The following RIT2 variants were observed in gnomAD, a reference collection of about 807,000 sequenced individuals.
RIT2 encodes the protein GTP-binding protein Rit2.
Under a neutral mutation model 23.7 loss-of-function variants are expected in RIT2, and 24 were observed. That is an observed-to-expected ratio of 1.01 (90% CI 0.73 to 1.43). The LOEUF is 1.43. Ranked by LOEUF, RIT2 falls within the 40% of genes most tolerant of loss-of-function variation. The pLI is 0.00. For synonymous variants in RIT2, 107 were observed against 91.1 expected (o/e 1.17, Z -0.99); for missense variants, 236 against 266.9 (o/e 0.88, Z 0.81).
intron 1 of RIT2, among the ~76,000 whole-genome samples, chr18:43,072,574 C>A (rs1185835993): frequency 6.6e-6 from 1 of 152,174 alleles, no homozygotes; most frequent in African/African-American, 2.4e-5. Flanking sequence ...AATTAGCAAG[C>A]TAGTCATCAA....
At chr18:42,766,880 C>T (rs1221453701) in intron 4 of RIT2, among the ~76,000 whole-genome samples, 3 of 152,206 alleles carry the variant, frequency 2.0e-5, no homozygotes, top group Admixed American at 6.5e-5. Context: ...GGCTTCAGAG[C>T]GTGGAAGCCC....
chr18:43,011,437 G>A (rs1291249065), intron 2 of RIT2, among the ~76,000 whole-genome samples: 1 of 151,696 alleles, frequency 6.6e-6, no homozygotes, highest in Non-Finnish European at 1.5e-5. Flanking sequence ...TGGAGGGGAA[G>A]CTGTGCGATT....
At chr18:43,082,766 C>T (rs1273042050) in intron 1 of RIT2, among the ~76,000 whole-genome samples, 1 of 151,856 alleles carries the variant, frequency 6.6e-6, no homozygotes, top group Non-Finnish European at 1.5e-5. Flanking sequence ...CAAACCCATA[C>T]CCAATATCAT....
chr18:42,786,260 T>C (rs1035115777), intron 4 of RIT2, among the ~76,000 whole-genome samples: 2 of 152,182 alleles, frequency 1.3e-5, no homozygotes, highest in African/African-American at 4.8e-5. Flanking sequence ...TTAACTTTCC[T>C]GTACACAAGG....
intron 4 of RIT2, among the ~76,000 whole-genome samples, chr18:42,749,875 G>C (rs573368646): frequency 6.6e-6 from 1 of 151,926 alleles, no homozygotes; most frequent in African/African-American, 2.4e-5. Context: ...AATATGTGTA[G>C]ATGTATGCAA....
intron 1 of RIT2, among the ~76,000 whole-genome samples, chr18:43,043,706 C>T (rs1436959591): frequency 1.3e-5 from 2 of 152,054 alleles, no homozygotes; most frequent in African/African-American, 2.4e-5. Context: ...AAGAGAATTG[C>T]TTCAATCAGG....
At chr18:43,085,281 T>C (rs1318373959) in intron 1 of RIT2, among the ~76,000 whole-genome samples, 5 of 152,124 alleles carry the variant, frequency 3.3e-5, no homozygotes, top group Admixed American at 2.0e-4. Context: ...TATGTATACA[T>C]TGTGAAAAGA....
intron 4 of RIT2, among the ~76,000 whole-genome samples, chr18:42,808,436 G>A (rs1055614686): frequency 6.6e-6 from 1 of 152,108 alleles, no homozygotes; most frequent in Non-Finnish European, 1.5e-5. Context: ...TATTGTTAAA[G>A]GGAAGATCCA....
chr18:42,840,524 C>T (rs1009242036), intron 4 of RIT2, among the ~76,000 whole-genome samples: 5 of 151,610 alleles, frequency 3.3e-5, no homozygotes, highest in South Asian at 2.1e-4. Context: ...TTTTCAAAGA[C>T]GGAGTTTTGC....
intron 3 of RIT2, among the ~76,000 whole-genome samples, chr18:42,942,447 G>A (rs1429305665): frequency 6.6e-5 from 10 of 152,084 alleles, no homozygotes; most frequent in African/African-American, 2.4e-4. Flanking sequence ...GCTACGTACT[G>A]TCTTCCTCTT....
intron 4 of RIT2, among the ~76,000 whole-genome samples, chr18:42,865,185 G>A (rs1598689715): frequency 1.3e-5 from 2 of 152,158 alleles, no homozygotes; most frequent in Non-Finnish European, 1.5e-5. Flanking sequence ...CCAATCCAAT[G>A]CAAGCTGGTC....
In RIT2 at chr18:42,911,364, C is replaced by G. The variant is rs377755155; in HGVS notation, c.426+12208G>C. 6.4e-4 allele frequency among the ~76,000 whole-genome samples: 97 copies of G among 151,602 alleles called. 1 individual carries two copies. In the South Asian group the frequency reaches 0.02, roughly 31 times the overall value. On this transcript the variant is annotated intron_variant, in intron 4 of 4. Transcript: ENST00000326695. ...AATTTGTAAACAGGAGAATAGGAAA[C>G]TAATAAAACTAAAAGCCAATTCATC...
intron 2 of RIT2, among the ~76,000 whole-genome samples, chr18:42,993,380 CT>C (rs1280709807): frequency 6.6e-6 from 1 of 152,182 alleles, no homozygotes; most frequent in Non-Finnish European, 1.5e-5. Context: ...CGGAAGCCCC[CT>C]AAACCATCAT....
At position 42,861,979 on chromosome 18, in the gene RIT2, T is replaced by A. The variant is rs1907339988; in HGVS notation, c.426+61593A>T. ...ACCACAATCCTAATCCTACCTTCTA[T>A]CCTGGATGTTTGATATTTAAGCATG... On this transcript the variant is annotated intron_variant, in intron 4 of 4. Coordinates refer to ENST00000326695, the MANE Select transcript of RIT2 (RefSeq NM_002930.4). 1.3e-5 allele frequency among the ~76,000 whole-genome samples: 2 copies of A among 152,204 alleles called. 1 individual carries two copies. Among genetic ancestry groups the A allele is most frequent in the South Asian group, 4.1e-4 (2 of 4,830 alleles).
intron 4 of RIT2, among the ~76,000 whole-genome samples, chr18:42,907,693 G>C (rs1423704338): frequency 6.6e-6 from 1 of 152,144 alleles, no homozygotes; most frequent in African/African-American, 2.4e-5. Flanking sequence ...ATCTGTTAAA[G>C]ATTTTAGCCA....
intron 4 of RIT2, among the ~76,000 whole-genome samples, chr18:42,820,117 C>T (rs1470838810): frequency 1.3e-5 from 2 of 151,858 alleles, no homozygotes; most frequent in African/African-American, 2.4e-5. Context: ...TTATTTTTTC[C>T]CCAAATATTT....
chr18:43,047,840 T>C (rs1348569664), intron 1 of RIT2, among the ~76,000 whole-genome samples: 1 of 152,146 alleles, frequency 6.6e-6, no homozygotes, highest in Non-Finnish European at 1.5e-5. Flanking sequence ...TTATACTCCT[T>C]TGTTTCTCCT....
In RIT2 at chr18:42,875,330, CT is replaced by C. The variant is rs1176760577; in HGVS notation, c.426+48241del. Among the ~76,000 whole-genome samples, 573 of 137,532 alleles carry C rather than the reference CT, an allele frequency of 4.2e-3. 1 individual carries two copies. The highest frequency in any genetic ancestry group is 5.0e-3 in the East Asian group (24 of 4,768). The allele number at this position is 137,532 out of a possible 152,430, so 90.2% of individuals were successfully genotyped here. On this transcript the variant is annotated intron_variant, in intron 4 of 4. Coordinates refer to ENST00000326695, the MANE Select transcript of RIT2 (RefSeq NM_002930.4). ...CCCCAGTTGCCTTCTTTCTCTCTCTCTTTTTTTTTTTTTTTAAAAAAAGGTA... is the reference window on the plus strand; with the variant it reads ...CCCCAGTTGCCTTCTTTCTCTCTCTCTTTTTTTTTTTTTTAAAAAAAGGTA...
intron 2 of RIT2, among the ~76,000 whole-genome samples, chr18:42,996,004 A>G (rs1327329816): frequency 6.6e-6 from 1 of 152,132 alleles, no homozygotes; most frequent in Non-Finnish European, 1.5e-5. Context: ...GTAAATAAAT[A>G]ATCTTTGCTG....
Sources: gnomAD v4.1 joint callset for allele counts (sites outside exome capture counted in the v4.1 genomes callset) on GRCh38, gnomAD v4.1.1 for gene constraint, MANE v1.5 for transcripts, NCBI Gene and HGNC (gene_info 2026-07-23, HGNC 2026-07-21) for gene names.